C16orf96: variants seen among roughly 807,000 people sequenced by gnomAD.
The protein encoded by C16orf96 is chromosome 16 open reading frame 96.
A neutral mutation model predicts 103.6 loss-of-function variants in C16orf96; 108 were observed. The ratio of observed to expected loss-of-function variants is 1.04; its 90% CI spans 0.89 to 1.22. The LOEUF (loss-of-function observed/expected upper bound fraction) is 1.22, where lower values mean the gene tolerates loss of function less well. Among genes scored for constraint, C16orf96 ranks in the 50% most tolerant of loss-of-function variants. The probability of loss-of-function intolerance (pLI) is 0.00; values close to 1 mark genes in which losing one functional copy is unlikely to be tolerated. For missense variants in C16orf96, 1,586 were observed against 1,464.2 expected (o/e 1.08, Z -1.36); for synonymous variants, 566 against 593.5 (o/e 0.95, Z 0.67).
chr16:4,556,824 A>G lies in C16orf96; in HGVS notation c.335A>G (p.Gln112Arg), dbSNP rs2059269011. The G allele has an allele frequency of 3.9e-6, 6 of 1,551,668 alleles. No individual in the cohort carries two copies. In the East Asian group the frequency reaches 1.5e-4, roughly 38 times the overall value. The change falls in exon 1 of 16, where the codon CAG (glutamine) becomes CGG (arginine). Residue 112 changes from glutamine (Q) to arginine (R), a missense_variant. By Grantham distance (43) the Gln-to-Arg change is conservative (BLOSUM62 1). Transcript: ENST00000444310. ...ACTGCCCAGCTGCTGGAAGCCAGCC[A>G]GGGCACTGCCCGGCCCGTCCAGGAC... Reference protein sequence around the residue: ...PSTAQLLEASQGTARPVQDLW... With the variant: ...PSTAQLLEASRGTARPVQDLW...
At chr16:4,555,560 G>A (rs2909034), upstream of C16orf96, among the ~76,000 whole-genome samples, 39,959 of 151,670 alleles carry the variant, frequency 0.26, 5,817 homozygotes, top group African/African-American at 0.39. Flanking sequence ...TTTAGTAGAG[G>A]CGGAGTTTCA....
intron 1 of C16orf96, among the ~76,000 whole-genome samples, chr16:4,570,483 T>A (rs1596520921): frequency 1.9e-5 from 2 of 104,968 alleles, no homozygotes; most frequent in Non-Finnish European, 4.1e-5. Context: ...TTTTTTTTTT[T>A]AGATAGAGAC....
the C16orf96 span, among the ~76,000 whole-genome samples, chr16:4,543,073 G>A: frequency 6.6e-6 from 1 of 152,128 alleles, no homozygotes; most frequent in Non-Finnish European, 1.5e-5. Context: ...AGTCCAGCAC[G>A]GGAGACTAAT....
chr16:4,571,456 C>A, intron 1 of C16orf96, 105 bp from the exon 2 acceptor site: 1 of 964,068 alleles, frequency 1.0e-6, no homozygotes, highest in Non-Finnish European at 1.5e-6. Flanking sequence ...TTGGGAGAGC[C>A]AAGAGGACCT....
intron 8 of C16orf96, 144 bp from the exon 9 acceptor site, chr16:4,588,023 G>T (rs1347935982): frequency 2.9e-6 from 2 of 686,518 alleles, no homozygotes; most frequent in Non-Finnish European, 4.6e-6. Flanking sequence ...TTGAATCCAC[G>T]TAGACCCCAG....
intron 5 of C16orf96, 105 bp downstream of exon 5, chr16:4,576,740 C>T: frequency 2.7e-6 from 3 of 1,097,050 alleles, no homozygotes; most frequent in Non-Finnish European, 3.9e-6. Context: ...ACAAAATCTG[C>T]ATTCCACCAT....
upstream of C16orf96, among the ~76,000 whole-genome samples, chr16:4,555,052 C>A (rs1239106642): frequency 6.6e-6 from 1 of 151,694 alleles, no homozygotes; most frequent in Non-Finnish European, 1.5e-5. Context: ...CACCTGAGGT[C>A]GGGAGTTTGA....
In C16orf96 at chr16:4,575,635, C is replaced by T. The variant is rs1161311404; in HGVS notation, c.1155C>T (p.Asp385=). Residue 385 remains aspartate, a synonymous_variant, in exon 5 of 16, where the codon GAC becomes GAT. Transcript: ENST00000444310. ...GTGCCCAGCCTCCACCACTGGGAGA[C>T]TGGCCTGCACTCCCAAGACGCTGGC... ...APGAQPPPLG[D]WPALPRRWPL... is the part of the protein sequence containing the mutation. 2 of 1,529,178 alleles carry T rather than the reference C, an allele frequency of 1.3e-6. No individual in the cohort carries two copies. Among genetic ancestry groups the T allele is most frequent in the East Asian group, 2.5e-5 (1 of 40,766 alleles). The allele number at this position is 1,529,178 out of a possible 1,614,324, so 94.7% of individuals were successfully genotyped here.
chr16:4,592,461 C>T (rs559523717), intron 11 of C16orf96, 94 bp downstream of exon 11: 204 of 1,386,450 alleles, frequency 1.5e-4, no homozygotes, highest in Admixed American at 1.8e-4. Context: ...GTTCCATGCA[C>T]GCTGTGTGTC....
At chr16:4,562,150 A>G (rs1303746904) in intron 1 of C16orf96, among the ~76,000 whole-genome samples, 2 of 152,134 alleles carry the variant, frequency 1.3e-5, no homozygotes, top group Non-Finnish European at 2.9e-5. Context: ...TCATGATGCC[A>G]ATGGGGAATC....
In C16orf96 at chr16:4,575,749, C is replaced by T. The variant is rs1361440320; in HGVS notation, c.1269C>T (p.Ala423=). The T allele has an allele frequency of 1.3e-6, 2 of 1,546,348 alleles. No individual in the cohort carries two copies. Among genetic ancestry groups the T allele is most frequent in the African/African-American group, 2.7e-5 (2 of 72,980 alleles). The change falls in exon 5 of 16, where the codon GCC becomes GCT. Residue 423 remains alanine, a synonymous_variant. Coordinates refer to ENST00000444310, the MANE Select transcript of C16orf96 (RefSeq NM_001145011.2). ...CAACTCAGCCCCAACCCTCCAGGGCCCCACCACCAGCCACTGAGTTTGGCT... is the reference window on the plus strand; with the variant it reads ...CAACTCAGCCCCAACCCTCCAGGGCTCCACCACCAGCCACTGAGTTTGGCT... The part of the protein sequence containing the change: ...LRPTQPQPSR[A]PPPATEFGSL...
chr16:4,573,475 C>A (rs997697162), intron 2 of C16orf96, among the ~76,000 whole-genome samples: 1 of 134,966 alleles, frequency 7.4e-6, no homozygotes, highest in African/African-American at 2.8e-5. Flanking sequence ...GTCGGTGGGG[C>A]GGCATGGTGG....
At chr16:4,580,712 C>T (rs1390747663) in intron 7 of C16orf96, among the ~76,000 whole-genome samples, 1 of 151,816 alleles carries the variant, frequency 6.6e-6, no homozygotes, top group Non-Finnish European at 1.5e-5. Context: ...TGGGACTGGG[C>T]GCGGTGGTTC....
intron 14 of C16orf96, among the ~76,000 whole-genome samples, chr16:4,595,868 G>A (rs1007805837): frequency 6.6e-6 from 1 of 151,832 alleles, no homozygotes; most frequent in Admixed American, 6.6e-5. Flanking sequence ...CACCACGCCC[G>A]GCTAAATTTT....
At chr16:4,581,136 GTATACATATATATATA>G (rs1164363868) in intron 7 of C16orf96, among the ~76,000 whole-genome samples, 2 of 40,796 alleles carry the variant, frequency 4.9e-5, no homozygotes, top group African/African-American at 1.3e-4. Context: ...AAATATATAT[GTATACATATATATATA>G]TATATATATA....
intron 5 of C16orf96, among the ~76,000 whole-genome samples, chr16:4,577,828 C>T (rs570842777): frequency 5.3e-5 from 8 of 152,140 alleles, no homozygotes; most frequent in African/African-American, 1.2e-4. Flanking sequence ...TGATAGTGCG[C>T]GCCTGTAATC....
Position 4,591,735 on chromosome 16 carries a change from C to T in C16orf96, c.2662C>T (p.Leu888=), listed in dbSNP as rs1185063101. The stretch of plus-strand genomic sequence containing the variant: ...GGTCTGGAAAATCGTCCGGAAGCTG[C>T]TGATTGAGGGCTTAAGACTGGATCC... The part of the protein sequence containing the change: ...EEVWKIVRKL[L]IEGLRLDPDS... Residue 888 remains leucine (L), a synonymous_variant, in exon 10 of 16, where the codon CTG becomes TTG. Transcript: ENST00000444310. The T allele has an allele frequency of 6.4e-7, 1 of 1,551,694 alleles. No homozygotes were observed. The highest frequency in any genetic ancestry group is 2.0e-5 in the Admixed American group (1 of 50,986).
the C16orf96 span, among the ~76,000 whole-genome samples, chr16:4,546,449 C>T: frequency 4.1e-5 from 6 of 147,500 alleles, no homozygotes; most frequent in Admixed American, 2.8e-4. Context: ...GGAGCCACCG[C>T]GCCCGGACTT....
chr16:4,598,870 C>T (rs1330681758), intron 14 of C16orf96, among the ~76,000 whole-genome samples: 1 of 152,164 alleles, frequency 6.6e-6, no homozygotes, highest in African/African-American at 2.4e-5. Context: ...GTAATTTCAC[C>T]ACTTTGGGAG....
Sources: allele counts gnomAD v4.1 joint callset (sites outside exome capture counted in the v4.1 genomes callset), GRCh38; gene constraint gnomAD v4.1.1; transcripts MANE v1.5; gene names NCBI Gene and HGNC (gene_info 2026-07-23, HGNC 2026-07-21).